The following SNAP47 variants were observed in gnomAD, a reference collection of about 807,000 sequenced individuals.
SNAP47 encodes the protein synaptosomal-associated protein 47.
SNAP47 carries 20 observed loss-of-function variants against 31.4 expected under a neutral mutation model. The observed-to-expected ratio is 0.64, with a 90% CI of 0.45 to 0.93. The LOEUF (loss-of-function observed/expected upper bound fraction) is 0.93. Ranked by LOEUF, SNAP47 falls within the 40% of genes least tolerant of loss-of-function variation. The probability of loss-of-function intolerance (pLI) is 0.00; values close to 1 mark genes in which losing one functional copy is unlikely to be tolerated. For missense variants in SNAP47, 492 were observed against 528.5 expected, an observed-to-expected ratio of 0.93 and a Z score of 0.68; for synonymous variants, 194 against 213.4, an observed-to-expected ratio of 0.91 and a Z score of 0.79.
At chr1:227,755,378 T>C (rs1662632586) in intron 2 of SNAP47, among the ~76,000 whole-genome samples, 1 of 147,420 alleles carries the variant, frequency 6.8e-6, no homozygotes, top group African/African-American at 2.7e-5. Context: ...AGTTTTGTTT[T>C]CTTTTTTTTC....
upstream of SNAP47, chr1:227,733,241 C>T (rs1297739406): frequency 6.9e-6 from 6 of 864,566 alleles, no homozygotes; most frequent in East Asian, 5.3e-5. Flanking sequence ...ACCCAGGGAC[C>T]GGCAGTGGGT....
upstream of SNAP47, chr1:227,733,652 G>A: frequency 6.2e-7 from 1 of 1,603,058 alleles, no homozygotes; most frequent in South Asian, 1.1e-5. Flanking sequence ...CCAGCTGAAG[G>A]AGCGGAAGAT....
chr1:227,739,970 C>T (rs1217240048), intron 1 of SNAP47, among the ~76,000 whole-genome samples: 1 of 152,246 alleles, frequency 6.6e-6, no homozygotes, highest in Non-Finnish European at 1.5e-5. Context: ...TACAGGAGGG[C>T]ATAGGCACAG....
upstream of SNAP47, chr1:227,730,660 C>A (rs545764532): frequency 3.3e-5 from 5 of 152,306 alleles, no homozygotes; most frequent in East Asian, 9.7e-4. Flanking sequence ...CTCTCGGGAG[C>A]GTCTGTGCAC....
chr1:227,778,128 A>T (rs1664266242), intron 4 of SNAP47, among the ~76,000 whole-genome samples: 1 of 152,242 alleles, frequency 6.6e-6, no homozygotes. Context: ...AAAAAGCCAG[A>T]TAGGAGTGTG....
chr1:227,768,161 C>T, intron 4 of SNAP47: 6 of 501,660 alleles, frequency 1.2e-5, no homozygotes, highest in Non-Finnish European at 1.5e-5. Context: ...CTCCCACCTT[C>T]TGAGCCCTTG....
intron 4 of SNAP47, chr1:227,776,244 G>C: frequency 9.5e-7 from 1 of 1,050,574 alleles, no homozygotes; most frequent in Non-Finnish European, 1.2e-6. Flanking sequence ...CTTCTATCAG[G>C]TCTGGCTCGC....
At chr1:227,776,958 G>A (rs921905608) in intron 4 of SNAP47, 13 of 985,188 alleles carry the variant, frequency 1.3e-5, no homozygotes, top group Middle Eastern at 5.2e-4. Flanking sequence ...AAAATATTCC[G>A]CTTCTATAGG....
upstream of SNAP47, chr1:227,734,786 C>T (rs746700928): frequency 1.4e-5 from 22 of 1,614,062 alleles, no homozygotes; most frequent in East Asian, 4.9e-4. Flanking sequence ...TTCCTGGACC[C>T]CACAGTTTGC....
chr1:227,734,130 AGCTTCCAGATG>A (rs1660885878), upstream of SNAP47: 4 of 1,396,066 alleles, frequency 2.9e-6, no homozygotes, highest in African/African-American at 5.8e-5. Flanking sequence ...GCTCCAGTGG[AGCTTCCAGATG>A]GCTGCAGCCC....
chr1:227,770,866 C>G (rs1286875126), intron 4 of SNAP47: 3 of 152,304 alleles, frequency 2.0e-5, no homozygotes, highest in African/African-American at 7.2e-5. Flanking sequence ...GCCTGCAGTC[C>G]CCGGGGGCTG....
At chr1:227,757,627 C>T (rs1449583855) in intron 2 of SNAP47, among the ~76,000 whole-genome samples, 2 of 152,186 alleles carry the variant, frequency 1.3e-5, no homozygotes, top group African/African-American at 2.4e-5. Flanking sequence ...CTGAAGCCAA[C>T]GGCAGGTCTA....
chr1:227,774,389 C>A (rs574614844), intron 4 of SNAP47, among the ~76,000 whole-genome samples: 2 of 151,192 alleles, frequency 1.3e-5, no homozygotes, highest in African/African-American at 4.9e-5. Context: ...AGAGCAATGC[C>A]GGAGGTAGGT....
At chr1:227,733,374 G>A, upstream of SNAP47, 4 of 1,553,818 alleles carry the variant, frequency 2.6e-6, no homozygotes, top group Middle Eastern at 2.1e-4. Context: ...TCTTCCTGCA[G>A]GAAGGCCCCT....
chr1:227,732,941 G>A (rs200611094), upstream of SNAP47: 17 of 1,613,076 alleles, frequency 1.1e-5, no homozygotes, highest in Non-Finnish European at 1.4e-5. Flanking sequence ...CCTCCTGCAC[G>A]GCGCATAGCT....
chr1:227,767,033 C>T lies in SNAP47; in HGVS notation c.1063C>T (p.Gln355Ter). The T allele has an allele frequency of 6.2e-7, 1 of 1,614,076 alleles. No homozygotes were observed. The highest frequency in any genetic ancestry group is 8.5e-7 in the Non-Finnish European group (1 of 1,180,042). ...GDQEGTALHL[Q>*]TSLPALSEAD... is the part of the protein sequence containing the mutation. ...CCAGGAGGGCACAGCACTGCACCTG[C>T]AGACAAGCCTGCCAGCCCTTTCTGA... Residue 355 changes from glutamine to a stop codon, truncating the protein, a stop_gained, in exon 4 of 5, where the codon CAG (glutamine) becomes TAG (stop). Coordinates refer to ENST00000617596, the MANE Select transcript of SNAP47 (RefSeq NM_053052.4). LOFTEE classifies it high-confidence loss of function.
upstream of SNAP47, chr1:227,734,609 G>A (rs1378160850): frequency 6.2e-7 from 1 of 1,605,604 alleles, no homozygotes; most frequent in African/African-American, 1.3e-5. Context: ...TTCACGCAGC[G>A]CTAGGGAAGG....
At chr1:227,766,831 G>C (rs1234077820) in intron 3 of SNAP47, 128 bp from the exon 4 acceptor site, 6 of 1,355,788 alleles carry the variant, frequency 4.4e-6, no homozygotes, top group Non-Finnish European at 3.0e-6. Flanking sequence ...GAGGTCGAGA[G>C]AGGAAGCAGT....
upstream of SNAP47, chr1:227,734,034 T>C (rs1014350155): frequency 6.2e-6 from 10 of 1,612,232 alleles, no homozygotes; most frequent in Middle Eastern, 1.6e-4. Flanking sequence ...GGAAAGTCCC[T>C]GTGAGGAGGG....
Sources: allele counts gnomAD v4.1 joint callset (sites outside exome capture counted in the v4.1 genomes callset), GRCh38; gene constraint gnomAD v4.1.1; transcripts MANE v1.5; gene names NCBI Gene and HGNC (gene_info 2026-07-23, HGNC 2026-07-21).